KMT2C: variants seen among roughly 807,000 people sequenced by gnomAD.
KMT2C encodes the protein lysine methyltransferase 2C.
In KMT2C, 88 loss-of-function variants were observed where a neutral mutation model predicts 507.9. The observed-to-expected ratio is 0.17, with a 90% confidence interval of 0.15 to 0.21. The LOEUF is 0.21. Ranked by LOEUF, KMT2C falls within the 10% of genes least tolerant of loss-of-function variation. KMT2C has a pLI of 1.00. For missense variants in KMT2C, 4,954 were observed against 5,957.8 expected, an observed-to-expected ratio of 0.83 and a Z score of 5.55; for synonymous variants, 2,049 against 2,080.8, an observed-to-expected ratio of 0.98 and a Z score of 0.42.
intron 2 of KMT2C, among the ~76,000 whole-genome samples, chr7:152,351,580 C>T (rs927042277): frequency 2.4e-4 from 36 of 152,164 alleles, no homozygotes; most frequent in Non-Finnish European, 4.4e-5. Flanking sequence ...TAATATGCAT[C>T]CCTTTGTTGT....
intron 2 of KMT2C, among the ~76,000 whole-genome samples, chr7:152,348,122 A>C (rs2097077275): frequency 6.6e-6 from 1 of 152,238 alleles, no homozygotes; most frequent in Admixed American, 6.5e-5. Flanking sequence ...TAAAAGACAC[A>C]ATATGCTCAA....
Position 152,181,508 on chromosome 7 carries a change from G to A in KMT2C, c.6352C>T (p.Gln2118Ter). The A allele has an allele frequency of 6.2e-7, 1 of 1,614,054 alleles. No homozygotes were observed. Among genetic ancestry groups the A allele is most frequent in the South Asian group, 1.1e-5 (1 of 91,080 alleles). The change falls in exon 36 of 59, where the codon CAG (glutamine) becomes TAG (stop). Residue 2118 changes from glutamine to a stop codon, truncating the protein, a stop_gained. Transcript: ENST00000262189. LOFTEE classifies it high-confidence loss of function. The stretch of plus-strand genomic sequence containing the variant: ...GTTGGCCTTGATATGGTTCCAGGCT[G>A]GGAAAAAGCCCTTGAAGGATGGGCA... ...SFAHPSRAFS[Q>*]PGTISRPTSQ...
chr7:152,334,355 G>C (rs2096913654), intron 2 of KMT2C, among the ~76,000 whole-genome samples: 1 of 152,204 alleles, frequency 6.6e-6, no homozygotes, highest in South Asian at 2.1e-4. Flanking sequence ...AGAAGGCTGA[G>C]GCAGGAGAAT....
At chr7:152,288,554 AT>A (rs1009463664) in intron 6 of KMT2C, among the ~76,000 whole-genome samples, 454 of 150,258 alleles carry the variant, frequency 3.0e-3, no homozygotes, top group African/African-American at 0.01. Context: ...ATAAATAAAT[AT>A]TTTTTTTTTA....
At position 152,231,721 on chromosome 7, in the gene KMT2C, C is replaced by A. The variant is rs186857444; in HGVS notation, c.2770-1400G>T. On this transcript the variant is annotated intron_variant, in intron 16 of 58. Coordinates refer to ENST00000262189, the MANE Select transcript of KMT2C (RefSeq NM_170606.3). The stretch of plus-strand genomic sequence containing the variant: ...ACTTGAACCCAGGAGGCAGAGGTTA[C>A]AGTGAGCCAAGATTACGCCACTGCA... Among the ~76,000 whole-genome samples, 172 of 151,802 alleles carry A rather than the reference C, an allele frequency of 1.1e-3. No individual in the cohort carries two copies. The East Asian group carries it at 0.025, about 22-fold the overall frequency.
chr7:152,174,482 T>C (rs1329276607), intron 38 of KMT2C, among the ~76,000 whole-genome samples: 2 of 152,166 alleles, frequency 1.3e-5, no homozygotes, highest in Admixed American at 6.5e-5. Context: ...TTATAAGCAA[T>C]AATCTAAAGC....
intron 6 of KMT2C, among the ~76,000 whole-genome samples, chr7:152,286,910 C>T (rs1315270579): frequency 6.6e-6 from 1 of 152,210 alleles, no homozygotes; most frequent in African/African-American, 2.4e-5. Context: ...AGGGAAGCGG[C>T]AGGCTACCAA....
rs1563640165 is a variant in KMT2C, at chr7:152,263,230, A to G, written c.1185-100T>C. 5 of 934,096 alleles carry G rather than the reference A, an allele frequency of 5.4e-6. No individual in the cohort carries two copies. In the East Asian group the frequency reaches 1.3e-4, roughly 24 times the overall value. 57.9% of individuals were successfully genotyped at this position (934,096 alleles called of 1,614,324 possible). ...ATCAGTCCTGGGAACTGCACAGTTC[A>G]TAAATACCTCAGTATCTGTTTTGTC... On this transcript the variant is annotated intron_variant, in intron 8 of 58. Transcript: ENST00000262189.
chr7:152,362,237 A>AT (rs1563991831), intron 1 of KMT2C, among the ~76,000 whole-genome samples: 2 of 152,230 alleles, frequency 1.3e-5, no homozygotes. Flanking sequence ...AACCATACAG[A>AT]TATCTGGGAG....
rs768359733 is a variant in KMT2C, at chr7:152,177,306, T to A, written c.8147A>T (p.Asp2716Val). The A allele has an allele frequency of 6.2e-7, 1 of 1,614,094 alleles. No individual in the cohort carries two copies. Among genetic ancestry groups the A allele is most frequent in the Admixed American group, 1.7e-5 (1 of 60,028 alleles). Residue 2716 changes from aspartate (D) to valine (V), a missense_variant, in exon 38 of 59, where the codon GAT becomes GTT. This residue lies in a region of KMT2C where 1,689 missense variants were observed against 1,654.3 expected (regional missense o/e 1.02). Coordinates refer to ENST00000262189, the MANE Select transcript of KMT2C (RefSeq NM_170606.3). ...GVEVKDLDDE[D>V]LENLNLDTED... is the part of the protein sequence containing the mutation. ...TGTATCTAAATTTAAGTTTTCAAGA[T>A]CTTCATCATCTAAGTCTTTGACTTC...
intron 6 of KMT2C, among the ~76,000 whole-genome samples, chr7:152,293,031 G>A (rs1044000953): frequency 6.6e-6 from 1 of 152,108 alleles, no homozygotes. Flanking sequence ...TCTGCCATAG[G>A]AAGAGGTGGA....
At chr7:152,295,190 C>G (rs1431114688) in intron 6 of KMT2C, among the ~76,000 whole-genome samples, 1 of 152,180 alleles carries the variant, frequency 6.6e-6, no homozygotes. Context: ...ACTCATTGGC[C>G]TTTAATTTAT....
rs2097172162 is a variant in KMT2C, at chr7:152,358,692, A to AT, written c.162-18_162-17insA. ...CTTCGAGGTCTACAGAAAAAAAAAA[A>AT]AATAATAAGTACATAGAGTTAAATG... On this transcript the variant is annotated splice_polypyrimidine_tract_variant and intron_variant, in intron 1 of 58. Coordinates refer to ENST00000262189, the MANE Select transcript of KMT2C (RefSeq NM_170606.3). 4.0e-5 allele frequency: 60 copies of AT among 1,514,106 alleles called. No homozygotes were observed. The highest frequency in any genetic ancestry group is 5.2e-5 in the Non-Finnish European group (57 of 1,100,338). The allele number at this position is 1,514,106 out of a possible 1,614,324, so 93.8% of individuals were successfully genotyped here.
chr7:152,221,458 G>A (rs1050185602), intron 22 of KMT2C, among the ~76,000 whole-genome samples: 3 of 152,156 alleles, frequency 2.0e-5, no homozygotes, highest in Non-Finnish European at 2.9e-5. Flanking sequence ...ATTACTAATA[G>A]GGAGAAGTAA....
intron 1 of KMT2C, among the ~76,000 whole-genome samples, chr7:152,365,183 G>A (rs1191362170): frequency 1.3e-5 from 2 of 152,080 alleles, no homozygotes; most frequent in Non-Finnish European, 2.9e-5. Context: ...TCTAAACACT[G>A]AACAAAACAT....
At chr7:152,276,337 A>G (rs924469338) in intron 6 of KMT2C, among the ~76,000 whole-genome samples, 2 of 152,200 alleles carry the variant, frequency 1.3e-5, no homozygotes, top group African/African-American at 4.8e-5. Flanking sequence ...AAATGTCAAC[A>G]CTCTTATACA....
At chr7:152,149,494 A>T (rs2091433437) in intron 51 of KMT2C, among the ~76,000 whole-genome samples, 1 of 152,258 alleles carries the variant, frequency 6.6e-6, no homozygotes, top group African/African-American at 2.4e-5. Context: ...ACACACACTC[A>T]CAATGCTGTC....
chr7:152,323,971 T>C (rs1017320943), intron 3 of KMT2C, among the ~76,000 whole-genome samples: 1 of 151,420 alleles, frequency 6.6e-6, no homozygotes, highest in Non-Finnish European at 1.5e-5. Context: ...ATATGTAGAA[T>C]CTAAAAAAGT....
rs531111299 is a variant in KMT2C, at chr7:152,288,109, A to G, written c.850-14242T>C. Among the ~76,000 whole-genome samples the G allele has an allele frequency of 5.3e-5, 8 of 151,670 alleles. No homozygotes were observed. The South Asian group carries it at 1.7e-3, about 31-fold the overall frequency. ...CAAAGTTTTGCAAAGAAATCAAGAA[A>G]GAAACAAATACCAAGTTGAAAACTA... On this transcript the variant is annotated intron_variant, in intron 6 of 58. Transcript: ENST00000262189.
Sources: gnomAD v4.1 joint callset for allele counts (sites outside exome capture counted in the v4.1 genomes callset) on GRCh38, gnomAD v4.1.1 for gene constraint, gnomAD v4.1.1 regional missense constraint, MANE v1.5 for transcripts, NCBI Gene and HGNC (gene_info 2026-07-23, HGNC 2026-07-21) for gene names.